Variants in NCKAP5 observed in about 807,000 individuals in gnomAD.
NCKAP5 encodes the protein NCK associated protein 5.
A neutral mutation model predicts 167.0 loss-of-function variants in NCKAP5; 92 were observed. The ratio of observed to expected loss-of-function variants is 0.55; its 90% CI spans 0.47 to 0.66. NCKAP5 has a LOEUF of 0.66. NCKAP5 is among the 30% of genes least tolerant of loss of function. The pLI, the probability that NCKAP5 is intolerant of heterozygous loss-of-function variation, is 0.00. For synonymous variants in NCKAP5, 891 were observed against 877.4 expected (o/e 1.02, Z -0.27); for missense variants, 2,378 against 2,315.0 (o/e 1.03, Z -0.56).
intron 11 of NCKAP5, among the ~76,000 whole-genome samples, chr2:132,806,290 A>G (rs1179550156): frequency 6.6e-6 from 1 of 152,194 alleles, no homozygotes; most frequent in Non-Finnish European, 1.5e-5. Flanking sequence ...GTAGATACCC[A>G]GTAGTGGCAT....
intron 5 of NCKAP5, among the ~76,000 whole-genome samples, chr2:133,160,000 C>G (rs904809113): frequency 2.0e-5 from 3 of 152,172 alleles, no homozygotes; most frequent in African/African-American, 7.2e-5. Flanking sequence ...TTCTCCCCAT[C>G]TGGTCTTCAA....
intron 3 of NCKAP5, among the ~76,000 whole-genome samples, chr2:133,399,376 C>T (rs928556488): frequency 1.3e-5 from 2 of 149,910 alleles, no homozygotes; most frequent in Non-Finnish European, 3.0e-5. Context: ...GACTCATTGA[C>T]CCTAAGATTA....
chr2:132,981,281 T>A (rs2077133438), intron 7 of NCKAP5, among the ~76,000 whole-genome samples: 3 of 152,180 alleles, frequency 2.0e-5, no homozygotes. Context: ...AAAGCCCCTT[T>A]GAACCTGGTT....
rs142560708 is a variant in NCKAP5, at chr2:133,512,589, C to T, written c.69+4869G>A. ...CTGCAGAGCCTGAAATATTTACTATCTGGAACTTTATAGAAAGAGTTTGCT... is the reference window on the plus strand; with the variant it reads ...CTGCAGAGCCTGAAATATTTACTATTTGGAACTTTATAGAAAGAGTTTGCT... On this transcript the variant is annotated intron_variant, in intron 3 of 19. Coordinates refer to ENST00000409261, the MANE Select transcript of NCKAP5 (RefSeq NM_207363.3). 1.9e-4 allele frequency among the ~76,000 whole-genome samples: 29 copies of T among 152,310 alleles called. No individual in the cohort carries two copies. In the East Asian group the frequency reaches 5.6e-3, roughly 29 times the overall value.
chr2:133,384,800 C>A (rs533811275), intron 3 of NCKAP5, among the ~76,000 whole-genome samples: 3 of 152,210 alleles, frequency 2.0e-5, no homozygotes, highest in East Asian at 1.9e-4. Context: ...GTATTTTATT[C>A]TCTTTGAAGC....
chr2:133,289,298 G>A (rs1679388573), intron 4 of NCKAP5, among the ~76,000 whole-genome samples: 1 of 152,002 alleles, frequency 6.6e-6, no homozygotes, highest in Admixed American at 6.5e-5. Flanking sequence ...TTTTACTGTT[G>A]GTTCTTCCCT....
chr2:133,050,212 A>C (rs1255229767), intron 6 of NCKAP5, among the ~76,000 whole-genome samples: 1 of 152,196 alleles, frequency 6.6e-6, no homozygotes, highest in African/African-American at 2.4e-5. Flanking sequence ...AGGATTCCCC[A>C]AAACACTTGG....
At chr2:133,317,794 C>T (rs1369853558) in intron 3 of NCKAP5, among the ~76,000 whole-genome samples, 2 of 152,152 alleles carry the variant, frequency 1.3e-5, no homozygotes, top group Non-Finnish European at 2.9e-5. Context: ...AACACCAGGA[C>T]TGGTATAATG....
intron 15 of NCKAP5, among the ~76,000 whole-genome samples, chr2:132,777,853 T>C (rs1682682910): frequency 6.7e-6 from 1 of 149,494 alleles, no homozygotes; most frequent in Non-Finnish European, 1.5e-5. Flanking sequence ...GCAGACATGA[T>C]TTTTTTTTTA....
At chr2:133,047,929 T>C (rs550528677) in intron 6 of NCKAP5, among the ~76,000 whole-genome samples, 15 of 152,322 alleles carry the variant, frequency 9.8e-5, no homozygotes, top group Non-Finnish European at 1.2e-4. Context: ...AGCAGAACTT[T>C]GGCATGCATG....
intron 1 of NCKAP5, among the ~76,000 whole-genome samples, chr2:133,562,538 T>C (rs1864817): frequency 0.12 from 19,020 of 152,242 alleles, 1,539 homozygotes; most frequent in Non-Finnish European, 0.17. Flanking sequence ...GTCTCGACAG[T>C]AACACTTGTT....
intron 6 of NCKAP5, among the ~76,000 whole-genome samples, chr2:133,097,032 A>T (rs1234451506): frequency 5.3e-5 from 8 of 152,192 alleles, no homozygotes; most frequent in African/African-American, 1.7e-4. Context: ...CTAGCTGGGC[A>T]CCTGACCACA....
intron 6 of NCKAP5, among the ~76,000 whole-genome samples, chr2:132,995,506 CT>C (rs2077568812): frequency 6.6e-6 from 1 of 151,770 alleles, no homozygotes; most frequent in Admixed American, 6.6e-5. Context: ...CAAAAATTAG[CT>C]GGGTGTGGTG....
At chr2:133,152,182 A>G (rs1310108056) in intron 5 of NCKAP5, among the ~76,000 whole-genome samples, 5 of 152,138 alleles carry the variant, frequency 3.3e-5, no homozygotes, top group African/African-American at 1.2e-4. Context: ...AGGTCTTTTG[A>G]TCTCTCCCTA....
chr2:133,200,017 C>T (rs1463861638), intron 5 of NCKAP5, among the ~76,000 whole-genome samples: 1 of 145,862 alleles, frequency 6.9e-6, no homozygotes, highest in African/African-American at 2.5e-5. Context: ...TTGATCCATT[C>T]AATGCAATTC....
At chr2:133,550,205 C>G (rs199848712) in intron 2 of NCKAP5, among the ~76,000 whole-genome samples, 31,386 of 134,706 alleles carry the variant, frequency 0.23, 3,066 homozygotes, top group East Asian at 0.32. Flanking sequence ...TGAAACTATT[C>G]CAATCAATAG....
intron 3 of NCKAP5, among the ~76,000 whole-genome samples, chr2:133,335,303 T>C (rs1465954252): frequency 3.3e-5 from 5 of 152,224 alleles, no homozygotes; most frequent in Non-Finnish European, 7.3e-5. Flanking sequence ...ACAAGCAAAT[T>C]GCTACACTTG....
chr2:132,797,144 A>G (rs888726443), intron 11 of NCKAP5, among the ~76,000 whole-genome samples: 2 of 152,240 alleles, frequency 1.3e-5, no homozygotes, highest in African/African-American at 4.8e-5. Context: ...CTGAGCAGAT[A>G]ATTATAAAAG....
intron 5 of NCKAP5, among the ~76,000 whole-genome samples, chr2:133,186,862 C>G (rs1041960211): frequency 7.2e-5 from 11 of 152,022 alleles, no homozygotes; most frequent in Non-Finnish European, 1.5e-5. Context: ...GTTAACCTAG[C>G]TAGCAGTCTG....
Sources: gnomAD v4.1 joint callset for allele counts (sites outside exome capture counted in the v4.1 genomes callset) on GRCh38, gnomAD v4.1.1 for gene constraint, MANE v1.5 for transcripts, NCBI Gene and HGNC (gene_info 2026-07-23, HGNC 2026-07-21) for gene names.